MTO1: variants seen among roughly 807,000 people sequenced by gnomAD.
The protein encoded by MTO1 is mitochondrial tRNA translation optimization 1.
A neutral mutation model predicts 71.6 loss-of-function variants in MTO1; 46 were observed. That is an observed-to-expected ratio of 0.64 (90% CI 0.51 to 0.82). The LOEUF (loss-of-function observed/expected upper bound fraction) is 0.82. MTO1 is among the 40% of genes least tolerant of loss of function. MTO1 has a pLI of 0.00. For missense variants in MTO1, 773 were observed against 867.5 expected (o/e 0.89, Z 1.37); for synonymous variants, 297 against 312.1 (o/e 0.95, Z 0.51).
At chr6:73,470,002 CA>C (rs1198560229) in intron 3 of MTO1, among the ~76,000 whole-genome samples, 1 of 149,508 alleles carries the variant, frequency 6.7e-6, no homozygotes, top group Admixed American at 6.7e-5. Context: ...AACTCCGTCT[CA>C]AAAAAAAAGA....
intron 11 of MTO1, among the ~76,000 whole-genome samples, chr6:73,498,934 G>A (rs1168627785): frequency 6.6e-6 from 1 of 151,980 alleles, no homozygotes; most frequent in South Asian, 2.1e-4. Flanking sequence ...TCACCATGTT[G>A]GCTGGGATGG....
Position 73,461,938 on chromosome 6 carries a change from C to G in MTO1, c.84C>G (p.Asp28Glu). 1.9e-6 allele frequency: 3 copies of G among 1,614,260 alleles called. No homozygotes were observed. The highest frequency in any genetic ancestry group is 8.5e-7 in the Non-Finnish European group (1 of 1,180,042). Residue 28 changes from aspartate (D) to glutamate (E), a missense_variant, in exon 1 of 12, where the codon GAC becomes GAG. Physicochemically the swap from Asp to Glu is conservative, Grantham distance 45 (BLOSUM62 2). Coordinates refer to ENST00000498286, the MANE Select transcript of MTO1 (RefSeq NM_012123.4). The stretch of plus-strand genomic sequence containing the variant: ...TTCCGTTGGCACGGTTGAGCAGTGA[C>G]AGCGCGGCGCCCCGGACTCCGCACT... ...QQFPLARLSSDSAAPRTPHFD... is the reference protein window; with the variant it reads ...QQFPLARLSSESAAPRTPHFD...
intron 3 of MTO1, among the ~76,000 whole-genome samples, chr6:73,467,614 A>T (rs1438884109): frequency 7.0e-6 from 1 of 143,494 alleles, no homozygotes; most frequent in African/African-American, 2.6e-5. Flanking sequence ...ACTCTGTCTC[A>T]AAATAAATAA....
intron 10 of MTO1, among the ~76,000 whole-genome samples, chr6:73,495,051 T>G (rs1771947444): frequency 6.6e-6 from 1 of 152,040 alleles, no homozygotes; most frequent in Non-Finnish European, 1.5e-5. Flanking sequence ...CCAAAGTTGT[T>G]GGGATTACAA....
chr6:73,489,529 T>C (rs1295394699), intron 9 of MTO1, among the ~76,000 whole-genome samples: 4 of 147,616 alleles, frequency 2.7e-5, no homozygotes, highest in Admixed American at 2.1e-4. Flanking sequence ...AGTGAGAACA[T>C]GCAATGTTTG....
chr6:73,469,860 C>T (rs1053008137), intron 3 of MTO1, among the ~76,000 whole-genome samples: 1 of 151,952 alleles, frequency 6.6e-6, no homozygotes, highest in African/African-American at 2.4e-5. Flanking sequence ...ACAAAATTAC[C>T]CAGGTGTGGT....
At position 73,500,665 on chromosome 6, in the gene MTO1, C is replaced by T; in HGVS notation, c.2009C>T (p.Ala670Val). 1 of 1,613,878 alleles carries T rather than the reference C, an allele frequency of 6.2e-7. No homozygotes were observed. The highest frequency in any genetic ancestry group is 8.5e-7 in the Non-Finnish European group (1 of 1,179,880). Residue 670 changes from alanine to valine, a missense_variant, in exon 12 of 12, where the codon GCT (alanine) becomes GTT (valine). By Grantham distance (64) the Ala-to-Val change is moderately conservative (BLOSUM62 0). Transcript: ENST00000498286. ...FVKTTQRRQS[A>V]MNESSKTDQY... Reference sequence around the variant, plus strand: ...AAGACCACTCAACGAAGACAGTCGGCTATGAATGAATCATCCAAGACTGAT... The same window carrying T: ...AAGACCACTCAACGAAGACAGTCGGTTATGAATGAATCATCCAAGACTGAT...
In MTO1 at chr6:73,479,723, GT is replaced by G; in HGVS notation, c.826-3del. On this transcript the variant is annotated splice_polypyrimidine_tract_variant and splice_region_variant and intron_variant, in intron 4 of 11. Coordinates refer to ENST00000498286, the MANE Select transcript of MTO1 (RefSeq NM_012123.4). ...CAAATCAGTATTGCATCTGGTTACT[GT>G]TTTTTAGCCAGAAGATCAGCTGCCA... 1 of 1,599,794 alleles carries G rather than the reference GT, an allele frequency of 6.3e-7. No homozygotes were observed. Among genetic ancestry groups the G allele is most frequent in the Non-Finnish European group, 8.5e-7 (1 of 1,170,274 alleles).
chr6:73,482,308 A>C, intron 8 of MTO1, 64 bp downstream of exon 8: 1 of 1,584,208 alleles, frequency 6.3e-7, no homozygotes, highest in Non-Finnish European at 8.7e-7. Flanking sequence ...AATCCAAGCA[A>C]TTTGAGAGAC....
At chr6:73,499,132 G>A (rs1364699430) in intron 11 of MTO1, among the ~76,000 whole-genome samples, 4 of 151,778 alleles carry the variant, frequency 2.6e-5, no homozygotes, top group Non-Finnish European at 5.9e-5. Flanking sequence ...CAAAAATATA[G>A]ACTGTAGAAA....
chr6:73,473,935 G>A (rs550100733), intron 4 of MTO1, among the ~76,000 whole-genome samples: 1 of 151,804 alleles, frequency 6.6e-6, no homozygotes, highest in African/African-American at 2.4e-5. Context: ...CCATAGGCAT[G>A]AGCCATTGTG....
rs143339761 is a variant in MTO1, at chr6:73,492,708, G to C, written c.1756+356G>C. ...CATGCCTGTAGTGCCAACTACTATGGAGACAGAGGTGGGAGGATTGCTTGA... is the reference window on the plus strand; with the variant it reads ...CATGCCTGTAGTGCCAACTACTATGCAGACAGAGGTGGGAGGATTGCTTGA... On this transcript the variant is annotated intron_variant, in intron 10 of 11. Transcript: ENST00000498286. 1.4e-3 allele frequency: 249 copies of C among 172,294 alleles called. 1 individual carries two copies. The highest frequency in any genetic ancestry group is 2.9e-3 in the Middle Eastern group (1 of 346). The allele number at this position is 172,294 out of a possible 1,614,324, so 10.7% of individuals were successfully genotyped here.
At chr6:73,478,629 C>A (rs555774216) in intron 4 of MTO1, among the ~76,000 whole-genome samples, 51 of 152,296 alleles carry the variant, frequency 3.3e-4, no homozygotes, top group Non-Finnish European at 5.9e-4. Flanking sequence ...ACCTCCACCC[C>A]CTGGGTTCAA....
Position 73,480,265 on chromosome 6 carries a change from T to G in MTO1, c.1129+139T>G, listed in dbSNP as rs540107115. The stretch of plus-strand genomic sequence containing the variant: ...ACCTATACATTTTAAATAGTCTGTT[T>G]TTTGTTTGTTTGTTTGTTTGTTTTG... On this transcript the variant is annotated intron_variant, in intron 6 of 11. Coordinates refer to ENST00000498286, the MANE Select transcript of MTO1 (RefSeq NM_012123.4). 1.7e-5 allele frequency: 16 copies of G among 924,480 alleles called. No homozygotes were observed. The South Asian group carries it at 2.2e-4, about 13-fold the overall frequency. 57.3% of individuals were successfully genotyped at this position (924,480 alleles called of 1,614,324 possible).
At chr6:73,465,753 G>A (rs1382717831) in intron 1 of MTO1, among the ~76,000 whole-genome samples, 2 of 152,084 alleles carry the variant, frequency 1.3e-5, no homozygotes, top group African/African-American at 4.8e-5. Flanking sequence ...CTGGGAGGCC[G>A]AGGTGGGCAG....
rs892750222 is a variant in MTO1, at chr6:73,501,621, G to C, written c.*886G>C. 1 of 152,120 alleles carries C rather than the reference G, an allele frequency of 6.6e-6. No homozygotes were observed. Among genetic ancestry groups the C allele is most frequent in the Admixed American group, 6.6e-5 (1 of 15,258 alleles). The allele number at this position is 152,120 out of a possible 1,614,324, so 9.4% of individuals were successfully genotyped here. On this transcript the variant is annotated 3_prime_UTR_variant, in exon 12 of 12. Transcript: ENST00000498286. ...GGTATGTCTTCACAGGGGTTAGAGT[G>C]GGATAATCAGCTGGGCCTTTTGACT...
chr6:73,497,980 C>T, intron 11 of MTO1, 84 bp downstream of exon 11: 1 of 1,178,532 alleles, frequency 8.5e-7, no homozygotes, highest in East Asian at 2.5e-5. Flanking sequence ...TTATAATGGC[C>T]ATATAACTAA....
At chr6:73,491,238 A>T (rs965364862) in intron 9 of MTO1, among the ~76,000 whole-genome samples, 8 of 149,570 alleles carry the variant, frequency 5.3e-5, no homozygotes, top group African/African-American at 2.0e-4. Flanking sequence ...ATGTGGTAAA[A>T]GTTGACATGT....
intron 4 of MTO1, among the ~76,000 whole-genome samples, chr6:73,476,216 A>T (rs1158258536): frequency 3.3e-5 from 5 of 151,662 alleles, no homozygotes; most frequent in Non-Finnish European, 5.9e-5. Flanking sequence ...TAAAAAAAAA[A>T]TAAAAAAATT....
Sources: allele counts gnomAD v4.1 joint callset (sites outside exome capture counted in the v4.1 genomes callset), GRCh38; gene constraint gnomAD v4.1.1; transcripts MANE v1.5; gene names NCBI Gene and HGNC (gene_info 2026-07-23, HGNC 2026-07-21).